AHI1: variants seen among roughly 807,000 people sequenced by gnomAD.
AHI1 encodes Abelson helper integration site 1, also known as jouberin.
Under a neutral mutation model 149.3 loss-of-function variants are expected in AHI1, and 123 were observed. The ratio of observed to expected loss-of-function variants is 0.82; its 90% CI spans 0.71 to 0.96. The LOEUF (loss-of-function observed/expected upper bound fraction) is 0.96, where lower values mean the gene tolerates loss of function less well. Among genes scored for constraint, AHI1 ranks in the 40% least tolerant of loss-of-function variants. AHI1 has a pLI of 0.00. For synonymous variants in AHI1, 475 were observed against 459.8 expected (o/e 1.03, Z -0.42); for missense variants, 1,439 against 1,422.7 (o/e 1.01, Z -0.18).
intron 11 of AHI1, among the ~76,000 whole-genome samples, chr6:135,449,958 A>G (rs1436617021): frequency 6.6e-6 from 1 of 152,336 alleles, no homozygotes; most frequent in African/African-American, 2.4e-5. Context: ...GGTACCACCA[A>G]TTGAAGTGGC....
intron 23 of AHI1, among the ~76,000 whole-genome samples, chr6:135,377,445 G>A (rs10155726): frequency 0.034 from 5,193 of 151,398 alleles, 283 homozygotes; most frequent in African/African-American, 0.12. Context: ...CACATAAGCA[G>A]AGTAATCTGG....
chr6:135,374,375 G>C (rs1466943378), intron 23 of AHI1, among the ~76,000 whole-genome samples: 2 of 151,902 alleles, frequency 1.3e-5, no homozygotes, highest in Non-Finnish European at 2.9e-5. Context: ...GCCTCCCAAA[G>C]TGCTGGGATT....
At chr6:135,474,815 C>G (rs1792333491) in intron 5 of AHI1, among the ~76,000 whole-genome samples, 1 of 152,106 alleles carries the variant, frequency 6.6e-6, no homozygotes, top group Non-Finnish European at 1.5e-5. Context: ...GATTGATTTT[C>G]TAATATTTTG....
intron 15 of AHI1, among the ~76,000 whole-genome samples, chr6:135,434,059 T>C (rs1378833894): frequency 1.3e-5 from 2 of 152,040 alleles, no homozygotes; most frequent in African/African-American, 2.4e-5. Flanking sequence ...TGTGAAGCAT[T>C]GGATTTTTAA....
chr6:135,342,099 G>A (rs1194474006), intron 24 of AHI1, among the ~76,000 whole-genome samples: 1 of 151,510 alleles, frequency 6.6e-6, no homozygotes, highest in East Asian at 1.9e-4. Context: ...AATAAAATCA[G>A]GAATGAAAGA....
In AHI1 at chr6:135,404,424, G is replaced by C. The variant is rs532686179; in HGVS notation, c.2988+527C>G. Among the ~76,000 whole-genome samples the C allele has an allele frequency of 2.0e-5, 3 of 152,226 alleles. No homozygotes were observed. The East Asian group carries it at 5.8e-4, about 29-fold the overall frequency. On this transcript the variant is annotated intron_variant, in intron 22 of 28. Transcript: ENST00000265602. Reference sequence around the variant, plus strand: ...AATCACTCAACCTGAATAAACTTCAGTCTCCTCCTTTCTAAAATTGGAATA... The same window carrying C: ...AATCACTCAACCTGAATAAACTTCACTCTCCTCCTTTCTAAAATTGGAATA...
intron 23 of AHI1, among the ~76,000 whole-genome samples, chr6:135,384,600 T>C (rs1265999404): frequency 6.6e-6 from 1 of 152,200 alleles, no homozygotes; most frequent in East Asian, 1.9e-4. Context: ...TTCAAAATCA[T>C]GATGATGAAA....
At chr6:135,330,912 A>T (rs1293969724) in intron 24 of AHI1, among the ~76,000 whole-genome samples, 2 of 152,244 alleles carry the variant, frequency 1.3e-5, no homozygotes, top group African/African-American at 4.8e-5. Context: ...TGAGTAAATC[A>T]TAACTTCCCT....
chr6:135,408,434 A>G (rs1293599043), intron 21 of AHI1, among the ~76,000 whole-genome samples: 1 of 152,038 alleles, frequency 6.6e-6, no homozygotes, highest in Non-Finnish European at 1.5e-5. Context: ...AATACAAAGA[A>G]CTGCAATATT....
chr6:135,286,055 C>T lies in AHI1; in HGVS notation c.3589-408G>A, dbSNP rs111644028. Among the ~76,000 whole-genome samples the T allele has an allele frequency of 3.2e-3, 493 of 152,248 alleles. 4 individuals are homozygous for T. The highest frequency in any genetic ancestry group is 0.011 in the African/African-American group (463 of 41,554). Reference sequence around the variant, plus strand: ...TGGATGATATTCAGGGTTAGTGATTCGGAAGGATACAGATAATTTTATTAA... The same window carrying T: ...TGGATGATATTCAGGGTTAGTGATTTGGAAGGATACAGATAATTTTATTAA... On this transcript the variant is annotated intron_variant, in intron 28 of 28. Transcript: ENST00000265602.
chr6:135,312,445 T>G (rs576282885), intron 26 of AHI1, among the ~76,000 whole-genome samples: 3 of 151,416 alleles, frequency 2.0e-5, no homozygotes, highest in Middle Eastern at 6.4e-3. Context: ...ACTTGGGAGG[T>G]GGAGGTTGCA....
At chr6:135,375,831 C>T (rs1775830277) in intron 23 of AHI1, among the ~76,000 whole-genome samples, 1 of 152,106 alleles carries the variant, frequency 6.6e-6, no homozygotes, top group African/African-American at 2.4e-5. Context: ...GCATTACCTA[C>T]TAATAGTATC....
intron 23 of AHI1, among the ~76,000 whole-genome samples, chr6:135,376,670 T>A (rs1030204575): frequency 6.6e-6 from 1 of 150,428 alleles, no homozygotes; most frequent in Non-Finnish European, 1.5e-5. Context: ...GATCACGAGG[T>A]CAGGAGTTCG....
At chr6:135,493,507 G>A (rs1311158125) in intron 3 of AHI1, among the ~76,000 whole-genome samples, 1 of 152,092 alleles carries the variant, frequency 6.6e-6, no homozygotes, top group Non-Finnish European at 1.5e-5. Context: ...TTAGTGATAG[G>A]AGCCTGTATT....
chr6:135,416,657 C>A (rs191911214), intron 20 of AHI1, among the ~76,000 whole-genome samples: 36 of 151,988 alleles, frequency 2.4e-4, no homozygotes, highest in African/African-American at 7.7e-4. Flanking sequence ...AAAAGGACGA[C>A]CACTTTTTCA....
intron 24 of AHI1, among the ~76,000 whole-genome samples, chr6:135,348,308 G>A (rs541684360): frequency 5.3e-5 from 8 of 152,270 alleles, no homozygotes; most frequent in African/African-American, 1.9e-4. Flanking sequence ...AATAATGTGT[G>A]TTAAATTTTT....
intron 26 of AHI1, among the ~76,000 whole-genome samples, chr6:135,313,785 C>G (rs902011519): frequency 1.3e-5 from 2 of 152,126 alleles, no homozygotes; most frequent in African/African-American, 4.8e-5. Flanking sequence ...GGGGCAATAC[C>G]AACTTCACAG....
At chr6:135,464,653 G>A (rs1200315260) in intron 7 of AHI1, among the ~76,000 whole-genome samples, 1 of 152,202 alleles carries the variant, frequency 6.6e-6, no homozygotes, top group Non-Finnish European at 1.5e-5. Context: ...AAGTGGCCAT[G>A]TTGTGTGTAG....
chr6:135,471,143 TAGAA>T lies in AHI1; in HGVS notation c.136-3513_136-3510del, dbSNP rs1433153732. ...TTAGAAAAAAGAGCTAATCAAGAAT[TAGAA>T]AGAGAAGAAAGATTTATGGTCTCAA... On this transcript the variant is annotated intron_variant, in intron 5 of 28. Transcript: ENST00000265602. Among the ~76,000 whole-genome samples the T allele has an allele frequency of 6.6e-5, 10 of 152,242 alleles. No individual in the cohort carries two copies. The South Asian group carries it at 1.9e-3, about 28-fold the overall frequency.
Sources: gnomAD v4.1 joint callset for allele counts (sites outside exome capture counted in the v4.1 genomes callset) on GRCh38, gnomAD v4.1.1 for gene constraint, MANE v1.5 for transcripts, NCBI Gene and HGNC (gene_info 2026-07-23, HGNC 2026-07-21) for gene names.